SIPA1L2: variants seen among roughly 807,000 people sequenced by gnomAD.
SIPA1L2 encodes the protein signal-induced proliferation-associated 1-like protein 2.
A neutral mutation model predicts 163.9 loss-of-function variants in SIPA1L2; 56 were observed. The observed-to-expected ratio is 0.34, with a 90% CI of 0.28 to 0.43. SIPA1L2 has a LOEUF of 0.43. Ranked by LOEUF, SIPA1L2 falls within the 20% of genes least tolerant of loss-of-function variation. SIPA1L2 has a pLI of 1.00. For synonymous variants in SIPA1L2, 877 were observed against 865.7 expected (o/e 1.01, Z -0.23); for missense variants, 1,974 against 2,193.5 (o/e 0.90, Z 2.00).
intron 8 of SIPA1L2, among the ~76,000 whole-genome samples, chr1:232,468,088 T>A (rs1460310969): frequency 1.3e-5 from 2 of 152,212 alleles, no homozygotes; most frequent in Non-Finnish European, 2.9e-5. Context: ...ATTCTGGGTA[T>A]GGGAATCAAT....
chr1:232,572,047 T>A (rs1270826347), intron 2 of SIPA1L2, among the ~76,000 whole-genome samples: 1 of 152,176 alleles, frequency 6.6e-6, no homozygotes, highest in Non-Finnish European at 1.5e-5. Context: ...AGATTACCCA[T>A]AAAGAAATTA....
At chr1:232,600,254 AT>A (rs1661522317) in intron 1 of SIPA1L2, among the ~76,000 whole-genome samples, 1 of 152,166 alleles carries the variant, frequency 6.6e-6, no homozygotes, top group Non-Finnish European at 1.5e-5. Flanking sequence ...ATTCTTTTTC[AT>A]TTCTCTGCTG....
chr1:232,459,401 G>GCA (rs1310717461), intron 10 of SIPA1L2, among the ~76,000 whole-genome samples: 6 of 152,132 alleles, frequency 3.9e-5, no homozygotes, highest in African/African-American at 7.2e-5. Context: ...AAAGGAGAGA[G>GCA]TATGACCTAG....
intron 14 of SIPA1L2, among the ~76,000 whole-genome samples, chr1:232,440,203 G>A (rs546360129): frequency 6.6e-6 from 1 of 152,268 alleles, no homozygotes; most frequent in East Asian, 1.9e-4. Context: ...AAAGCAAATA[G>A]AATAGAAGAA....
At chr1:232,403,972 A>G (rs1199487409) in intron 20 of SIPA1L2, among the ~76,000 whole-genome samples, 153 bp downstream of exon 20, 1 of 152,218 alleles carries the variant, frequency 6.6e-6, no homozygotes, top group South Asian at 2.1e-4. Context: ...CCAAACCCGG[A>G]GAAGGTTCTG....
chr1:232,491,887 T>C (rs1665949876), intron 4 of SIPA1L2, among the ~76,000 whole-genome samples: 1 of 152,312 alleles, frequency 6.6e-6, no homozygotes, highest in Admixed American at 6.5e-5. Flanking sequence ...TCTCTATCTA[T>C]ACTAATACAG....
chr1:232,473,427 G>C (rs978582129), intron 7 of SIPA1L2, among the ~76,000 whole-genome samples: 4 of 152,210 alleles, frequency 2.6e-5, no homozygotes, highest in African/African-American at 7.2e-5. Context: ...AGTGATTGCC[G>C]GTGTGGCTTC....
intron 1 of SIPA1L2, among the ~76,000 whole-genome samples, chr1:232,592,221 C>T (rs953289940): frequency 1.3e-5 from 2 of 152,216 alleles, no homozygotes; most frequent in African/African-American, 4.8e-5. Flanking sequence ...TTAGCACAGA[C>T]ATTTGCAGAC....
intron 1 of SIPA1L2, among the ~76,000 whole-genome samples, chr1:232,627,505 C>G (rs1317709369): frequency 6.6e-6 from 1 of 151,770 alleles, no homozygotes; most frequent in Non-Finnish European, 1.5e-5. Context: ...TTCAAAACAC[C>G]ATCCCAGTCT....
chr1:232,434,303 G>A (rs10910478), intron 15 of SIPA1L2, among the ~76,000 whole-genome samples: 37,921 of 152,024 alleles, frequency 0.25, 5,007 homozygotes, highest in Non-Finnish European at 0.3. Flanking sequence ...CAAAATAAAC[G>A]GACCCATTTT....
At chr1:232,485,542 A>C (rs1445774149) in intron 5 of SIPA1L2, among the ~76,000 whole-genome samples, 1 of 152,198 alleles carries the variant, frequency 6.6e-6, no homozygotes, top group African/African-American at 2.4e-5. Flanking sequence ...AAAAATATTA[A>C]GTACAATAAA....
intron 10 of SIPA1L2, among the ~76,000 whole-genome samples, chr1:232,451,098 A>G (rs1663547884): frequency 6.6e-6 from 1 of 152,178 alleles, no homozygotes; most frequent in African/African-American, 2.4e-5. Flanking sequence ...TGTGAACTAG[A>G]TTTTGCTTTG....
chr1:232,460,761 T>A, intron 10 of SIPA1L2, 126 bp downstream of exon 10: 1 of 1,175,698 alleles, frequency 8.5e-7, no homozygotes, highest in Non-Finnish European at 1.2e-6. Context: ...ATGAGTGACA[T>A]CCCAGAACAC....
chr1:232,514,506 G>T lies in SIPA1L2; in HGVS notation c.834C>A (p.Phe278Leu), dbSNP rs1035447313. ...CCGACTCTGATTTCAACCTCCGTTT[G>T]AAAGGCTTGTCCCTGTCTCTCCCCA... ...LLMGRDRDKP[F>L]KRRLKSESVE... is the part of the protein sequence containing the mutation. Residue 278 changes from phenylalanine to leucine, a missense_variant, in exon 3 of 23, where the codon TTC (phenylalanine) becomes TTA (leucine). Phe to Leu is a conservative substitution (Grantham distance 22). Around this residue, in one of 3 missense-constraint regions of SIPA1L2, gnomAD observed 607 missense variants for 624.0 expected, o/e 0.97. Transcript: ENST00000674635. 17 of 1,614,072 alleles carry T rather than the reference G, an allele frequency of 1.1e-5. No homozygotes were observed. The highest frequency in any genetic ancestry group is 1.4e-5 in the Non-Finnish European group (16 of 1,180,046).
At position 232,428,532 on chromosome 1, in the gene SIPA1L2, G is replaced by C; in HGVS notation, c.4289C>G (p.Ala1430Gly). ...MYSEMDVMST[A>G]TQHQTVVGDA... ...TCCCACCACTGTCTGATGCTGAGTT[G>C]CTGTGGACATGACATCCATCTCACT... Residue 1430 changes from alanine (A) to glycine (G), a missense_variant, in exon 17 of 23, where the codon GCA becomes GGA. By Grantham distance (60) the Ala-to-Gly change is moderately conservative. Transcript: ENST00000674635. The C allele has an allele frequency of 6.3e-7, 1 of 1,587,684 alleles. No individual in the cohort carries two copies. The highest frequency in any genetic ancestry group is 1.8e-5 in the Admixed American group (1 of 54,452).
At chr1:232,584,389 G>A (rs1181110648) in intron 1 of SIPA1L2, among the ~76,000 whole-genome samples, 1 of 152,092 alleles carries the variant, frequency 6.6e-6, no homozygotes, top group Non-Finnish European at 1.5e-5. Flanking sequence ...CACGCCCAGC[G>A]AATTTTTGCA....
At chr1:232,473,787 G>C (rs1280144812) in intron 7 of SIPA1L2, among the ~76,000 whole-genome samples, 1 of 152,144 alleles carries the variant, frequency 6.6e-6, no homozygotes, top group South Asian at 2.1e-4. Context: ...TAAACGATTG[G>C]AGGCGGGAAC....
chr1:232,411,600 T>C (rs551400655), intron 19 of SIPA1L2, among the ~76,000 whole-genome samples: 10 of 151,682 alleles, frequency 6.6e-5, no homozygotes, highest in African/African-American at 2.4e-4. Context: ...GCTTTTTTTT[T>C]TACAACTTAC....
At chr1:232,619,107 T>G (rs141194320) in intron 1 of SIPA1L2, among the ~76,000 whole-genome samples, 33 of 152,328 alleles carry the variant, frequency 2.2e-4, no homozygotes, top group African/African-American at 6.3e-4. Flanking sequence ...TTAATAGAGA[T>G]AGTACTGTGA....
Sources: gnomAD v4.1 joint callset for allele counts (sites outside exome capture counted in the v4.1 genomes callset) on GRCh38, gnomAD v4.1.1 for gene constraint, gnomAD v4.1.1 regional missense constraint, MANE v1.5 for transcripts, NCBI Gene and HGNC (gene_info 2026-07-23, HGNC 2026-07-21) for gene names.